PLPP4: variants seen among roughly 807,000 people sequenced by gnomAD.
The protein encoded by PLPP4 is diacylglycerol pyrophosphate like 2.
In PLPP4, 20 loss-of-function variants were observed where a neutral mutation model predicts 32.2. The ratio of observed to expected loss-of-function variants is 0.62; its 90% confidence interval spans 0.44 to 0.90. The LOEUF (loss-of-function observed/expected upper bound fraction) is 0.90. Among genes scored for constraint, PLPP4 ranks in the 40% least tolerant of loss-of-function variants. The probability of loss-of-function intolerance (pLI) is 0.00; values close to 1 mark genes in which losing one functional copy is unlikely to be tolerated. For missense variants in PLPP4, 257 were observed against 353.1 expected (o/e 0.73, Z 2.18); for synonymous variants, 127 against 133.0 (o/e 0.95, Z 0.31).
intron 1 of PLPP4, among the ~76,000 whole-genome samples, chr10:120,491,696 T>C (rs936757003): frequency 6.6e-6 from 1 of 152,076 alleles, no homozygotes; most frequent in Non-Finnish European, 1.5e-5. Context: ...CCACCAATTA[T>C]CAGCACTTTT....
chr10:120,577,486 CT>C (rs1849274419), intron 6 of PLPP4, among the ~76,000 whole-genome samples: 1 of 152,152 alleles, frequency 6.6e-6, no homozygotes, highest in Non-Finnish European at 1.5e-5. Flanking sequence ...TGAATTTATG[CT>C]GCAGCTGGTG....
intron 1 of PLPP4, among the ~76,000 whole-genome samples, chr10:120,470,810 G>A (rs1315097882): frequency 6.6e-6 from 1 of 152,138 alleles, no homozygotes; most frequent in African/African-American, 2.4e-5. Context: ...GGAAGGAGTA[G>A]AGTACAGTGG....
chr10:120,530,193 G>A (rs749209417), intron 5 of PLPP4, among the ~76,000 whole-genome samples: 16 of 152,110 alleles, frequency 1.1e-4, no homozygotes, highest in Non-Finnish European at 2.2e-4. Flanking sequence ...TAACCATTCA[G>A]TTTTTACAAA....
chr10:120,590,278 G>A lies in PLPP4; in HGVS notation c.*776G>A, dbSNP rs1177740778. Among the ~76,000 whole-genome samples, 1 of 152,200 alleles carries A rather than the reference G, an allele frequency of 6.6e-6. No individual in the cohort carries two copies. Among genetic ancestry groups the A allele is most frequent in the Non-Finnish European group, 1.5e-5 (1 of 68,038 alleles). On this transcript the variant is annotated 3_prime_UTR_variant, in exon 7 of 7. Coordinates refer to ENST00000398250, the MANE Select transcript of PLPP4 (RefSeq NM_001030059.3). ...TACAGTGAATTTTTGGGGCACGGGG[G>A]CTTTACTTGGCTCTTCTGCAAGAAG...
intron 5 of PLPP4, among the ~76,000 whole-genome samples, chr10:120,557,547 T>C (rs1848217076): frequency 6.6e-6 from 1 of 152,208 alleles, no homozygotes; most frequent in Non-Finnish European, 1.5e-5. Flanking sequence ...GTTGTTTTTT[T>C]CTTGAGGAGC....
intron 5 of PLPP4, among the ~76,000 whole-genome samples, chr10:120,531,683 C>T (rs1846729619): frequency 6.6e-6 from 1 of 152,040 alleles, no homozygotes. Context: ...GTTGAGATGA[C>T]TTTCCTTTCA....
At chr10:120,477,446 GT>G (rs1843992218) in intron 1 of PLPP4, among the ~76,000 whole-genome samples, 1 of 150,138 alleles carries the variant, frequency 6.7e-6, no homozygotes, top group Non-Finnish European at 1.5e-5. Context: ...CAGTTTTTTT[GT>G]TTGTTTGTTT....
intron 3 of PLPP4, among the ~76,000 whole-genome samples, chr10:120,518,100 G>A (rs780373755): frequency 5.3e-5 from 8 of 152,214 alleles, no homozygotes; most frequent in Non-Finnish European, 1.2e-4. Flanking sequence ...ACATTTTGCA[G>A]TGAAAGCTCT....
At chr10:120,482,153 T>A (rs1363834914) in intron 1 of PLPP4, among the ~76,000 whole-genome samples, 3 of 152,184 alleles carry the variant, frequency 2.0e-5, no homozygotes, top group Non-Finnish European at 4.4e-5. Flanking sequence ...GAGGTGCTGC[T>A]GAAAAGACAC....
intron 2 of PLPP4, among the ~76,000 whole-genome samples, chr10:120,505,597 A>G (rs1451082235): frequency 1.3e-5 from 2 of 152,088 alleles, no homozygotes; most frequent in Non-Finnish European, 2.9e-5. Context: ...GTTTTTGCAA[A>G]CTCTTGGAAA....
intron 5 of PLPP4, among the ~76,000 whole-genome samples, chr10:120,573,383 C>T (rs1348550180): frequency 1.4e-4 from 21 of 152,192 alleles, no homozygotes; most frequent in Non-Finnish European, 5.9e-5. Flanking sequence ...TAACCGAGAT[C>T]GCTTTTAAGA....
intron 2 of PLPP4, among the ~76,000 whole-genome samples, chr10:120,505,812 A>G (rs58630178): frequency 0.043 from 6,506 of 152,290 alleles, 192 homozygotes; most frequent in Middle Eastern, 0.14. Flanking sequence ...TAAATCCTAG[A>G]TATAAAGGAA....
intron 5 of PLPP4, among the ~76,000 whole-genome samples, chr10:120,543,044 G>A (rs1217379695): frequency 6.6e-6 from 1 of 152,182 alleles, no homozygotes; most frequent in African/African-American, 2.4e-5. Flanking sequence ...CCATCCCCAG[G>A]ACGGTGGGTG....
chr10:120,492,112 C>T (rs1308523705), intron 1 of PLPP4, among the ~76,000 whole-genome samples: 1 of 152,168 alleles, frequency 6.6e-6, no homozygotes, highest in African/African-American at 2.4e-5. Flanking sequence ...GAGTGCTCTG[C>T]CCATTTTATA....
At chr10:120,492,700 G>A (rs1844776407) in intron 1 of PLPP4, among the ~76,000 whole-genome samples, 1 of 152,190 alleles carries the variant, frequency 6.6e-6, no homozygotes, top group Non-Finnish European at 1.5e-5. Context: ...CTGGCTGCCA[G>A]CCCTTGTACT....
intron 2 of PLPP4, among the ~76,000 whole-genome samples, chr10:120,509,049 C>T (rs538574749): frequency 6.6e-6 from 1 of 152,310 alleles, no homozygotes; most frequent in South Asian, 2.1e-4. Context: ...TTTGGAAGAT[C>T]ACCTCCCCTC....
At position 120,560,398 on chromosome 10, in the gene PLPP4, A is replaced by G. The variant is rs113122299; in HGVS notation, c.446-14733A>G. Among the ~76,000 whole-genome samples, 857 of 152,244 alleles carry G rather than the reference A, an allele frequency of 5.6e-3. 10 individuals are homozygous for G. The highest frequency in any genetic ancestry group is 0.02 in the African/African-American group (821 of 41,534). On this transcript the variant is annotated intron_variant, in intron 5 of 6. Coordinates refer to ENST00000398250, the MANE Select transcript of PLPP4 (RefSeq NM_001030059.3). ...CACTGCAGCTGCACCAGCAGATGTG[A>G]ACACCTTATACATTTTCTGAAATAT... is the stretch of plus-strand genomic sequence containing the variant.
intron 1 of PLPP4, among the ~76,000 whole-genome samples, chr10:120,485,692 G>A (rs1418166236): frequency 6.6e-6 from 1 of 152,198 alleles, no homozygotes; most frequent in Non-Finnish European, 1.5e-5. Context: ...GGAAATAAAT[G>A]AGGTAAAGAC....
chr10:120,587,493 AT>A (rs1307738486), intron 6 of PLPP4: 4 of 152,224 alleles, frequency 2.6e-5, no homozygotes, highest in African/African-American at 9.6e-5. Context: ...CATGCATGAA[AT>A]TACTAAATTT....
Sources: allele counts gnomAD v4.1 joint callset (sites outside exome capture counted in the v4.1 genomes callset), GRCh38; gene constraint gnomAD v4.1.1; transcripts MANE v1.5; gene names NCBI Gene and HGNC (gene_info 2026-07-23, HGNC 2026-07-21).